MCC: variants seen among roughly 807,000 people sequenced by gnomAD.
The protein encoded by MCC is colorectal mutant cancer protein.
In MCC, 90 loss-of-function variants were observed where a neutral mutation model predicts 116.2. That is an observed-to-expected ratio of 0.77 (90% CI 0.65 to 0.92). The LOEUF is 0.92. Among genes scored for constraint, MCC ranks in the 40% least tolerant of loss-of-function variants. The probability of loss-of-function intolerance (pLI) is 0.00; values close to 1 mark genes in which losing one functional copy is unlikely to be tolerated. For missense variants in MCC, 1,516 were observed against 1,312.2 expected, an observed-to-expected ratio of 1.16 and a Z score of -2.40; for synonymous variants, 578 against 510.5, an observed-to-expected ratio of 1.13 and a Z score of -1.78.
At chr5:113,035,304 G>GCAACTCAACAGCAAAC (rs1214583117) in intron 17 of MCC, among the ~76,000 whole-genome samples, 3 of 152,124 alleles carry the variant, frequency 2.0e-5, no homozygotes, top group Admixed American at 1.3e-4. Flanking sequence ...TATCTGCCAA[G>GCAACTCAACAGCAAAC]TCTCATCCTG....
At chr5:113,226,428 GT>G (rs1179346379) in intron 3 of MCC, among the ~76,000 whole-genome samples, 7 of 152,324 alleles carry the variant, frequency 4.6e-5, no homozygotes, top group African/African-American at 1.7e-4. Flanking sequence ...CTGCACAGGA[GT>G]GCAACAAGGT....
At position 113,488,357 on chromosome 5, in the gene MCC, C is replaced by CGCG. The variant is rs1772613678; in HGVS notation, c.57_58insCGC (p.Gly19_Gly20insArg). The CGCG allele has an allele frequency of 7.2e-7, 1 of 1,397,604 alleles. No individual in the cohort carries two copies. Among genetic ancestry groups the CGCG allele is most frequent in the East Asian group, 3.2e-5 (1 of 30,848 alleles). The allele number at this position is 1,397,604 out of a possible 1,614,324, so 86.6% of individuals were successfully genotyped here. A position where few individuals can be genotyped will look rare whatever the true frequency, so the allele number is the denominator to read the frequency against. Reference sequence around the variant, plus strand: ...CTGCTGCTGCTGCTGCCGCTGCCGCCGCCGCCGCCGCCGCTGCTGGAGCTC... The same window carrying CGCG: ...CTGCTGCTGCTGCTGCCGCTGCCGCCGCGGCCGCCGCCGCCGCTGCTGGAGCTC... On this transcript the variant is annotated inframe_insertion, in exon 1 of 19. Coordinates refer to ENST00000408903, the MANE Select transcript of MCC (RefSeq NM_001085377.2).
chr5:113,313,961 C>T (rs1037151218), intron 3 of MCC, among the ~76,000 whole-genome samples: 7 of 152,158 alleles, frequency 4.6e-5, no homozygotes, highest in Non-Finnish European at 7.3e-5. Context: ...GCTGGGACCA[C>T]AGGTGCAGGC....
intron 2 of MCC, among the ~76,000 whole-genome samples, chr5:113,383,326 T>G (rs1313024257): frequency 3.9e-5 from 6 of 152,196 alleles, no homozygotes; most frequent in Admixed American, 3.9e-4. Flanking sequence ...AATCTGAAAA[T>G]ACAGCTTAGC....
intron 3 of MCC, among the ~76,000 whole-genome samples, chr5:113,265,112 G>A (rs983394311): frequency 6.6e-6 from 1 of 152,070 alleles, no homozygotes; most frequent in African/African-American, 2.4e-5. Context: ...ATCTTACCAT[G>A]GGACAGTTGA....
intron 8 of MCC, among the ~76,000 whole-genome samples, chr5:113,097,653 A>G (rs1756109314): frequency 6.6e-6 from 1 of 152,206 alleles, no homozygotes; most frequent in South Asian, 2.1e-4. Context: ...CTATGGCCAA[A>G]TGAGGCTAAA....
chr5:113,290,950 A>G (rs185216048), intron 3 of MCC, among the ~76,000 whole-genome samples: 3 of 152,288 alleles, frequency 2.0e-5, no homozygotes, highest in Non-Finnish European at 4.4e-5. Context: ...ATCCGTCTAC[A>G]TTTTCCTTTT....
chr5:113,393,945 C>G (rs978731893), intron 1 of MCC, among the ~76,000 whole-genome samples: 7 of 152,140 alleles, frequency 4.6e-5, no homozygotes, highest in African/African-American at 1.7e-4. Flanking sequence ...CTAAAACTCT[C>G]TACAGATAAT....
chr5:113,313,440 CT>C (rs1303849615), intron 3 of MCC, among the ~76,000 whole-genome samples: 1 of 152,112 alleles, frequency 6.6e-6, no homozygotes, highest in Non-Finnish European at 1.5e-5. Context: ...GCAAAGTGAG[CT>C]TGAGGAAATT....
intron 3 of MCC, among the ~76,000 whole-genome samples, chr5:113,186,858 G>A (rs1325862555): frequency 6.6e-6 from 1 of 152,100 alleles, no homozygotes; most frequent in African/African-American, 2.4e-5. Context: ...AACAATGTCT[G>A]CAGACATTTC....
At chr5:113,092,994 T>A (rs546106977) in intron 8 of MCC, among the ~76,000 whole-genome samples, 3 of 152,208 alleles carry the variant, frequency 2.0e-5, no homozygotes, top group Admixed American at 2.0e-4. Context: ...CACTATAGAA[T>A]GCTAGATGTC....
At chr5:113,174,525 C>T (rs2150305415) in intron 3 of MCC, among the ~76,000 whole-genome samples, 1 of 152,152 alleles carries the variant, frequency 6.6e-6, no homozygotes, top group South Asian at 2.1e-4. Flanking sequence ...CATATCCATA[C>T]TTTGCAGCTG....
At chr5:113,415,126 C>T (rs988180463) in intron 1 of MCC, among the ~76,000 whole-genome samples, 4 of 152,278 alleles carry the variant, frequency 2.6e-5, no homozygotes, top group African/African-American at 7.2e-5. Flanking sequence ...GAGTTTCTGC[C>T]GAGAGATCTG....
intron 3 of MCC, among the ~76,000 whole-genome samples, chr5:113,234,193 A>G (rs1764048100): frequency 6.6e-6 from 1 of 152,220 alleles, no homozygotes; most frequent in Non-Finnish European, 1.5e-5. Context: ...GATAAAAGAC[A>G]TTAAAATATA....
At chr5:113,179,098 C>A (rs1417614300) in intron 3 of MCC, among the ~76,000 whole-genome samples, 6 of 152,186 alleles carry the variant, frequency 3.9e-5, no homozygotes, top group African/African-American at 1.4e-4. Context: ...CAATACCTTA[C>A]AGAGACCCTT....
At chr5:113,053,994 G>T in intron 14 of MCC, 35 bp from the exon 15 acceptor site, 1 of 1,465,674 alleles carries the variant, frequency 6.8e-7, no homozygotes, top group Non-Finnish European at 9.5e-7. Flanking sequence ...CCACCACCCT[G>T]TGTTATTCCA....
rs143088783 is a variant in MCC at position 113,097,807 on chromosome 5, G to C, written c.1398+3932C>G. Among the ~76,000 whole-genome samples the C allele has an allele frequency of 2.5e-3, 377 of 152,276 alleles. 2 individuals are homozygous for C. The highest frequency in any genetic ancestry group is 8.7e-3 in the African/African-American group (360 of 41,540). On this transcript the variant is annotated intron_variant, in intron 8 of 18. Coordinates refer to ENST00000408903, the MANE Select transcript of MCC (RefSeq NM_001085377.2). The stretch of plus-strand genomic sequence containing the variant: ...CAGAGTGCTAGAAGTATAAACGTGA[G>C]CCACCGCACCTGGCCGAGGGTGACT...
intron 2 of MCC, among the ~76,000 whole-genome samples, chr5:113,369,793 A>T (rs540531806): frequency 3.9e-5 from 6 of 152,326 alleles, no homozygotes; most frequent in African/African-American, 1.4e-4. Context: ...TGAAACAGAC[A>T]AAATGTGCTT....
intron 1 of MCC, among the ~76,000 whole-genome samples, chr5:113,441,116 C>T (rs1186650938): frequency 1.3e-5 from 2 of 152,170 alleles, no homozygotes; most frequent in Non-Finnish European, 2.9e-5. Context: ...GGGCAGATCA[C>T]TTAAGGTCAT....
Sources: gnomAD v4.1 joint callset for allele counts (sites outside exome capture counted in the v4.1 genomes callset) on GRCh38, gnomAD v4.1.1 for gene constraint, MANE v1.5 for transcripts, NCBI Gene and HGNC (gene_info 2026-07-23, HGNC 2026-07-21) for gene names.